SYT16: variants seen among roughly 807,000 people sequenced by gnomAD.
The protein encoded by SYT16 is synaptotagmin 16, also known as synaptotagmin-16.
Under a neutral mutation model 61.4 loss-of-function variants are expected in SYT16, and 42 were observed. That is an observed-to-expected ratio of 0.68 (90% CI 0.53 to 0.89). The LOEUF (loss-of-function observed/expected upper bound fraction) is 0.89, where lower values mean the gene tolerates loss of function less well. SYT16 is among the 40% of genes least tolerant of loss of function. SYT16 has a pLI of 0.00. For missense variants in SYT16, 804 were observed against 807.3 expected (o/e 1.00, Z 0.05); for synonymous variants, 314 against 302.3 (o/e 1.04, Z -0.40).
chr14:62,026,784 C>T (rs1204906684), intron 3 of SYT16, among the ~76,000 whole-genome samples: 1 of 152,152 alleles, frequency 6.6e-6, no homozygotes, highest in Non-Finnish European at 1.5e-5. Flanking sequence ...AACAGCTTCT[C>T]CTTCTAGTAA....
rs2057557460 is a variant in SYT16, at chr14:62,108,933, G to A, written c.*8226G>A. 6.6e-6 allele frequency: 1 copy of A among 152,054 alleles called. No individual in the cohort carries two copies. The highest frequency in any genetic ancestry group is 2.4e-5 in the African/African-American group (1 of 41,402). The allele number at this position is 152,054 out of a possible 1,614,324, so 9.4% of individuals were successfully genotyped here. ...AGCAAAATTGATCCTAAAATATAGAGTTCTCATATACTCCAAACACAACCT... is the reference window on the plus strand; with the variant it reads ...AGCAAAATTGATCCTAAAATATAGAATTCTCATATACTCCAAACACAACCT... On this transcript the variant is annotated 3_prime_UTR_variant, in exon 8 of 8. Coordinates refer to ENST00000683842, the MANE Select transcript of SYT16 (RefSeq NM_001367656.1).
intron 3 of SYT16, among the ~76,000 whole-genome samples, chr14:62,038,409 C>T (rs1172347229): frequency 6.6e-6 from 1 of 151,864 alleles, no homozygotes; most frequent in East Asian, 2.0e-4. Context: ...CCTGGAGAAA[C>T]CCCTGTCCAC....
chr14:62,064,334 G>GAAAAAAAAAAAAAAAAAAAAAAAAAAA (rs781727444), intron 3 of SYT16, among the ~76,000 whole-genome samples: 2 of 42,986 alleles, frequency 4.7e-5, no homozygotes, highest in African/African-American at 1.7e-4. Flanking sequence ...CTTTAAATTT[G>GAAAAAAAAAAAAAAAAAAAAAAAAAAA]AAAAAAAAAA....
chr14:61,842,722 C>G (rs1220548913), intron 1 of SYT16, among the ~76,000 whole-genome samples: 1 of 147,154 alleles, frequency 6.8e-6, no homozygotes, highest in Non-Finnish European at 1.5e-5. Flanking sequence ...GGGAATTGAA[C>G]AATGAGAACA....
At chr14:61,824,010 T>C (rs1342619865) in intron 1 of SYT16, among the ~76,000 whole-genome samples, 1 of 152,232 alleles carries the variant, frequency 6.6e-6, no homozygotes, top group East Asian at 1.9e-4. Context: ...ATGAAGTCAG[T>C]TGGATCCTGG....
chr14:61,842,594 C>A (rs970680544), intron 1 of SYT16, among the ~76,000 whole-genome samples: 1 of 151,994 alleles, frequency 6.6e-6, no homozygotes, highest in Admixed American at 6.6e-5. Context: ...ACTATGCAGC[C>A]ATAAAAAATG....
At chr14:61,833,367 A>C (rs2046005166) in intron 1 of SYT16, among the ~76,000 whole-genome samples, 1 of 148,146 alleles carries the variant, frequency 6.8e-6, no homozygotes, top group African/African-American at 2.5e-5. Context: ...ATCTCAGCTC[A>C]CTGCAACCTC....
chr14:62,079,512 G>A (rs1257981358), intron 5 of SYT16: 5 of 248,720 alleles, frequency 2.0e-5, no homozygotes, highest in Non-Finnish European at 3.5e-5. Context: ...CTAGTAAGTG[G>A]TAGGCCTGGG....
At chr14:62,060,097 A>T (rs1044392297) in intron 3 of SYT16, among the ~76,000 whole-genome samples, 1 of 152,194 alleles carries the variant, frequency 6.6e-6, no homozygotes, top group East Asian at 1.9e-4. Context: ...TGACTACTCT[A>T]GGTCCTTTAT....
intron 1 of SYT16, among the ~76,000 whole-genome samples, chr14:61,870,459 A>G (rs540179905): frequency 2.0e-5 from 3 of 148,056 alleles, no homozygotes; most frequent in African/African-American, 7.5e-5. Flanking sequence ...TGGTGTTCTT[A>G]TTGTTTCTGC....
At chr14:61,956,716 G>A (rs1259712852) in intron 1 of SYT16, among the ~76,000 whole-genome samples, 1 of 151,872 alleles carries the variant, frequency 6.6e-6, no homozygotes, top group Non-Finnish European at 1.5e-5. Flanking sequence ...TTTGCAATAT[G>A]TTTTGACATC....
chr14:61,837,402 T>C (rs2140246174), intron 1 of SYT16, among the ~76,000 whole-genome samples: 1 of 151,672 alleles, frequency 6.6e-6, no homozygotes, highest in Non-Finnish European at 1.5e-5. Flanking sequence ...CTTGCCCAGC[T>C]AATTTTTTGT....
intron 1 of SYT16, among the ~76,000 whole-genome samples, chr14:61,965,465 C>A (rs2051279452): frequency 6.6e-6 from 1 of 152,118 alleles, no homozygotes; most frequent in Non-Finnish European, 1.5e-5. Flanking sequence ...CTCTCTCTAA[C>A]TGAACTAAGC....
At chr14:61,848,886 C>G (rs1225431188) in intron 1 of SYT16, among the ~76,000 whole-genome samples, 1 of 152,176 alleles carries the variant, frequency 6.6e-6, no homozygotes, top group Non-Finnish European at 1.5e-5. Flanking sequence ...AGGAGTCTCT[C>G]CTTGTAGCTA....
At chr14:62,069,958 G>C in intron 4 of SYT16, 143 bp downstream of exon 4, 1 of 995,774 alleles carries the variant, frequency 1.0e-6, no homozygotes, top group Non-Finnish European at 1.5e-6. Flanking sequence ...TGGAGCAAAG[G>C]GGCTGCTTTG....
chr14:62,030,331 T>C (rs1171661624), intron 3 of SYT16, among the ~76,000 whole-genome samples: 2 of 152,292 alleles, frequency 1.3e-5, no homozygotes, highest in African/African-American at 2.4e-5. Flanking sequence ...GTTTTGAAAG[T>C]GTTTTAAACA....
chr14:61,836,708 G>A (rs1252032970), intron 1 of SYT16, among the ~76,000 whole-genome samples: 2 of 152,180 alleles, frequency 1.3e-5, no homozygotes, highest in African/African-American at 4.8e-5. Context: ...CTCAACTATA[G>A]AGTTACATGG....
At chr14:62,012,915 C>G (rs930576095) in intron 3 of SYT16, among the ~76,000 whole-genome samples, 1 of 152,152 alleles carries the variant, frequency 6.6e-6, no homozygotes, top group African/African-American at 2.4e-5. Flanking sequence ...TTAGCATGAG[C>G]TTTCACACGG....
At chr14:62,031,987 G>T (rs1275246812) in intron 3 of SYT16, among the ~76,000 whole-genome samples, 2 of 152,148 alleles carry the variant, frequency 1.3e-5, no homozygotes, top group Admixed American at 6.6e-5. Flanking sequence ...AGCACAATTT[G>T]CAGACTATAA....
Sources: gnomAD v4.1 joint callset for allele counts (sites outside exome capture counted in the v4.1 genomes callset) on GRCh38, gnomAD v4.1.1 for gene constraint, MANE v1.5 for transcripts, NCBI Gene and HGNC (gene_info 2026-07-23, HGNC 2026-07-21) for gene names.